DOCK10: variants seen among roughly 807,000 people sequenced by gnomAD.
The protein encoded by DOCK10 is dedicator of cytokinesis 10.
Under a neutral mutation model 280.1 loss-of-function variants are expected in DOCK10, and 145 were observed. That is an observed-to-expected ratio of 0.52 (90% CI 0.45 to 0.59). The LOEUF is 0.59. Ranked by LOEUF, DOCK10 falls within the 20% of genes least tolerant of loss-of-function variation. The probability of loss-of-function intolerance (pLI) is 0.00; values close to 1 mark genes in which losing one functional copy is unlikely to be tolerated. For missense variants in DOCK10, 2,368 were observed against 2,651.7 expected (o/e 0.89, Z 2.35); for synonymous variants, 915 against 942.2 (o/e 0.97, Z 0.53).
intron 5 of DOCK10, 52 bp from the exon 6 acceptor site, chr2:224,886,237 C>T (rs1458407458): frequency 6.2e-7 from 1 of 1,603,478 alleles, no homozygotes; most frequent in Non-Finnish European, 8.5e-7. Context: ...ATCCTAGATC[C>T]TAGACACTGC....
intron 4 of DOCK10, among the ~76,000 whole-genome samples, chr2:224,890,107 C>T (rs1312370275): frequency 2.0e-5 from 3 of 152,138 alleles, no homozygotes; most frequent in East Asian, 1.9e-4. Flanking sequence ...AACATTTGGC[C>T]CCGTGCTAGT....
rs1706281582 is a variant in DOCK10 at position 224,996,710 on chromosome 2, C to T, written c.123+45542G>A. Reference sequence around the variant, plus strand: ...ATGTCAATAAGCATCAGCAATATGACCAGGGCTTAATAGTGAAGAGGTCCC... The same window carrying T: ...ATGTCAATAAGCATCAGCAATATGATCAGGGCTTAATAGTGAAGAGGTCCC... On this transcript the variant is annotated intron_variant, in intron 1 of 55. Transcript: ENST00000258390. Among the ~76,000 whole-genome samples the T allele has an allele frequency of 3.3e-5, 5 of 152,180 alleles. No homozygotes were observed. The South Asian group carries it at 8.3e-4, about 25-fold the overall frequency.
At chr2:224,768,465 T>C (rs1453463353) in intron 55 of DOCK10, among the ~76,000 whole-genome samples, 2 of 152,184 alleles carry the variant, frequency 1.3e-5, no homozygotes, top group Non-Finnish European at 1.5e-5. Flanking sequence ...TTTGTGTCAG[T>C]TTCCATGAGG....
intron 31 of DOCK10, among the ~76,000 whole-genome samples, 186 bp downstream of exon 31, chr2:224,814,134 T>A (rs59952673): frequency 0.011 from 1,696 of 152,270 alleles, 43 homozygotes; most frequent in African/African-American, 0.039. Flanking sequence ...TACGAAAGAA[T>A]TGAAATTAGG....
intron 1 of DOCK10, among the ~76,000 whole-genome samples, chr2:225,008,039 A>C (rs1689324558): frequency 6.6e-6 from 1 of 152,188 alleles, no homozygotes; most frequent in African/African-American, 2.4e-5. Context: ...AATGTCACCC[A>C]AAGGAGTAGA....
At chr2:224,908,166 T>TTGTGTGTGTG (rs369490326) in intron 3 of DOCK10, among the ~76,000 whole-genome samples, 34 of 136,254 alleles carry the variant, frequency 2.5e-4, no homozygotes, top group African/African-American at 9.4e-4. Context: ...TTTAAATGAG[T>TTGTGTGTGTG]TGTGTGTGTG....
At chr2:224,965,250 G>C (rs1293355280) in intron 1 of DOCK10, among the ~76,000 whole-genome samples, 6 of 152,272 alleles carry the variant, frequency 3.9e-5, no homozygotes, top group Admixed American at 2.0e-4. Flanking sequence ...GTTCAAGGAG[G>C]TTTGGTGATA....
At chr2:224,893,168 T>TG (rs1274210387) in intron 4 of DOCK10, among the ~76,000 whole-genome samples, 1 of 152,212 alleles carries the variant, frequency 6.6e-6, no homozygotes, top group East Asian at 1.9e-4. Context: ...CTGTAAGTTT[T>TG]GGGGTAAATT....
intron 1 of DOCK10, among the ~76,000 whole-genome samples, chr2:225,016,652 G>T (rs1559963126): frequency 4.4e-4 from 8 of 18,054 alleles, no homozygotes; most frequent in African/African-American, 6.0e-4. Context: ...TGTGCACATA[G>T]ATACATAGAT....
chr2:224,819,334 GA>G (rs943398159), intron 29 of DOCK10, 111 bp downstream of exon 29: 1 of 625,626 alleles, frequency 1.6e-6, no homozygotes, highest in African/African-American at 1.9e-5. Context: ...CCTTGGCATA[GA>G]AATCACTTTC....
intron 14 of DOCK10, among the ~76,000 whole-genome samples, chr2:224,857,385 G>A (rs1697218720): frequency 6.6e-6 from 1 of 152,176 alleles, no homozygotes; most frequent in South Asian, 2.1e-4. Flanking sequence ...TAGGATTTAC[G>A]AGTGGTGGAA....
intron 16 of DOCK10, among the ~76,000 whole-genome samples, 161 bp downstream of exon 16, chr2:224,854,802 T>C (rs1306378998): frequency 6.6e-6 from 1 of 150,452 alleles, no homozygotes; most frequent in Non-Finnish European, 1.5e-5. Flanking sequence ...GAATTCCATA[T>C]ATTTCAACTT....
chr2:224,845,903 T>C (rs1203723082), intron 19 of DOCK10, among the ~76,000 whole-genome samples: 4 of 152,154 alleles, frequency 2.6e-5, no homozygotes. Context: ...TTTGTATTTT[T>C]AGTAGAGACG....
chr2:224,905,911 T>C (rs1700600191), intron 3 of DOCK10, among the ~76,000 whole-genome samples: 1 of 152,114 alleles, frequency 6.6e-6, no homozygotes, highest in Non-Finnish European at 1.5e-5. Flanking sequence ...TTCATGGGCA[T>C]ACTCTTCCAG....
chr2:225,003,442 A>C (rs1482278575), intron 1 of DOCK10, among the ~76,000 whole-genome samples: 1 of 152,206 alleles, frequency 6.6e-6, no homozygotes, highest in East Asian at 1.9e-4. Context: ...TTCCACTAGA[A>C]TGCTGATCTT....
At chr2:225,021,577 G>A (rs955359204) in intron 1 of DOCK10, among the ~76,000 whole-genome samples, 1 of 152,162 alleles carries the variant, frequency 6.6e-6, no homozygotes, top group African/African-American at 2.4e-5. Context: ...TTATTTTGTG[G>A]GGAACCTTGT....
intron 1 of DOCK10, among the ~76,000 whole-genome samples, chr2:225,037,755 T>G (rs1356003057): frequency 6.6e-6 from 1 of 152,238 alleles, no homozygotes; most frequent in Non-Finnish European, 1.5e-5. Flanking sequence ...TTTTCTATGC[T>G]AGGCCTTAGA....
At chr2:224,835,908 T>G (rs1465712533) in intron 25 of DOCK10, among the ~76,000 whole-genome samples, 2 of 151,942 alleles carry the variant, frequency 1.3e-5, no homozygotes, top group African/African-American at 4.8e-5. Context: ...ATGGTCTTGT[T>G]GGGTATTTCA....
rs559626943 is a variant in DOCK10, at chr2:224,809,883, C to T, written c.3410-1797G>A. On this transcript the variant is annotated intron_variant, in intron 31 of 55. Coordinates refer to ENST00000258390, the MANE Select transcript of DOCK10 (RefSeq NM_014689.3). ...TTCAGATCATTATGTTGAAGAGATACATTGCAGCATTATTCACAATAGCTA... is the reference window on the plus strand; with the variant it reads ...TTCAGATCATTATGTTGAAGAGATATATTGCAGCATTATTCACAATAGCTA... Among the ~76,000 whole-genome samples the T allele has an allele frequency of 1.1e-4, 16 of 149,628 alleles. No homozygotes were observed. In the East Asian group the frequency reaches 3.1e-3, roughly 29 times the overall value.
Sources: gnomAD v4.1 joint callset for allele counts (sites outside exome capture counted in the v4.1 genomes callset) on GRCh38, gnomAD v4.1.1 for gene constraint, MANE v1.5 for transcripts, NCBI Gene and HGNC (gene_info 2026-07-23, HGNC 2026-07-21) for gene names.